HHAT: variants seen among roughly 807,000 people sequenced by gnomAD.
HHAT encodes hedgehog acyltransferase, also known as protein-cysteine N-palmitoyltransferase HHAT.
Under a neutral mutation model 70.8 loss-of-function variants are expected in HHAT, and 47 were observed. The observed-to-expected ratio is 0.66, with a 90% CI of 0.53 to 0.85. HHAT has a LOEUF of 0.85. Among genes scored for constraint, HHAT ranks in the 40% least tolerant of loss-of-function variants. The pLI, the probability that HHAT is intolerant of heterozygous loss-of-function variation, is 0.00. For synonymous variants in HHAT, 228 were observed against 247.6 expected (o/e 0.92, Z 0.74); for missense variants, 609 against 604.8 (o/e 1.01, Z -0.07).
At chr1:210,625,670 G>A (rs1206483937) in intron 11 of HHAT, among the ~76,000 whole-genome samples, 1 of 152,188 alleles carries the variant, frequency 6.6e-6, no homozygotes, top group Non-Finnish European at 1.5e-5. Context: ...ATTAACACTG[G>A]CTGCTTTGTG....
At chr1:210,631,131 A>G (rs747087970) in intron 11 of HHAT, 12 of 456,234 alleles carry the variant, frequency 2.6e-5, no homozygotes, top group South Asian at 1.6e-4. Flanking sequence ...GAATATTTGT[A>G]TAGAAAACAC....
chr1:210,492,211 C>G (rs1046834653), intron 8 of HHAT, among the ~76,000 whole-genome samples: 2 of 152,196 alleles, frequency 1.3e-5, no homozygotes, highest in Non-Finnish European at 2.9e-5. Flanking sequence ...CTCTTTTACT[C>G]TGAACAGCCT....
intron 8 of HHAT, among the ~76,000 whole-genome samples, chr1:210,468,828 A>G (rs1410268542): frequency 6.6e-6 from 1 of 152,162 alleles, no homozygotes; most frequent in Non-Finnish European, 1.5e-5. Context: ...CATAAAGAAG[A>G]AAAGGTCAAA....
chr1:210,430,405 G>A (rs1377909815), intron 7 of HHAT, among the ~76,000 whole-genome samples: 1 of 151,840 alleles, frequency 6.6e-6, no homozygotes, highest in Non-Finnish European at 1.5e-5. Flanking sequence ...AACATTTCCA[G>A]TGAGTAGACC....
At chr1:210,420,038 T>G (rs578016861) in intron 7 of HHAT, among the ~76,000 whole-genome samples, 1 of 152,356 alleles carries the variant, frequency 6.6e-6, no homozygotes, top group South Asian at 2.1e-4. Flanking sequence ...ACCTTTTGTG[T>G]GTCCACCATT....
chr1:210,523,470 A>C (rs1369520274), intron 9 of HHAT, among the ~76,000 whole-genome samples: 3 of 152,054 alleles, frequency 2.0e-5, no homozygotes, highest in Admixed American at 6.5e-5. Flanking sequence ...GATGCTTTAG[A>C]TCCCCAAGCT....
chr1:210,565,971 T>C (rs1364637917), intron 9 of HHAT, among the ~76,000 whole-genome samples: 1 of 152,160 alleles, frequency 6.6e-6, no homozygotes, highest in Non-Finnish European at 1.5e-5. Context: ...CTGTGCCAAC[T>C]ATAGGGGGTC....
At chr1:210,574,929 A>G (rs1340354734) in intron 9 of HHAT, among the ~76,000 whole-genome samples, 1 of 152,220 alleles carries the variant, frequency 6.6e-6, no homozygotes, top group Non-Finnish European at 1.5e-5. Context: ...GAGTTTGAAG[A>G]TTAGGACCGG....
At position 210,587,938 on chromosome 1, in the gene HHAT, C is replaced by T; in HGVS notation, c.1084C>T (p.Leu362=). ...IPVGGSQHGL[L]GTLFSTAMTF... The stretch of plus-strand genomic sequence containing the variant: ...AGTGGGCGGGTCCCAGCATGGCCTG[C>T]TGGGGACACTGTTTTCCACGGCGAT... The change falls in exon 10 of 12, where the codon CTG becomes TTG. Residue 362 remains leucine (L), a synonymous_variant. Coordinates refer to ENST00000261458, the MANE Select transcript of HHAT (RefSeq NM_018194.6). The T allele has an allele frequency of 6.2e-7, 1 of 1,614,116 alleles. No homozygotes were observed. The highest frequency in any genetic ancestry group is 1.3e-5 in the African/African-American group (1 of 75,048).
Position 210,328,973 on chromosome 1 carries a change from A to G in HHAT, c.-175A>G, listed in dbSNP as rs1023379785. ...CCTCCAAAGGGCAGCTCCGGGGGAA[A>G]GAGGGTGGCGTCCCGGGGAAGCCCG... On this transcript the variant is annotated 5_prime_UTR_variant, in exon 1 of 12. Coordinates refer to ENST00000261458, the MANE Select transcript of HHAT (RefSeq NM_018194.6). 32 of 1,312,598 alleles carry G rather than the reference A, an allele frequency of 2.4e-5. No individual in the cohort carries two copies. Among genetic ancestry groups the G allele is most frequent in the African/African-American group, 3.1e-5 (2 of 65,198 alleles). The allele number at this position is 1,312,598 out of a possible 1,614,324, so 81.3% of individuals were successfully genotyped here.
chr1:210,436,618 G>C (rs1011117440), intron 7 of HHAT, among the ~76,000 whole-genome samples: 1 of 151,524 alleles, frequency 6.6e-6, no homozygotes, highest in East Asian at 1.9e-4. Context: ...TGCTGTTGGG[G>C]TTCTTAACTC....
At chr1:210,597,789 G>A (rs1445784194) in intron 10 of HHAT, among the ~76,000 whole-genome samples, 2 of 151,862 alleles carry the variant, frequency 1.3e-5, no homozygotes, top group African/African-American at 2.4e-5. Context: ...CTGGAACTGG[G>A]GACCCCAATA....
At position 210,451,727 on chromosome 1, in the gene HHAT, C is replaced by T. The variant is rs558673813; in HGVS notation, c.857-12778C>T. On this transcript the variant is annotated intron_variant, in intron 7 of 11. Transcript: ENST00000261458. ...TCAAGTAGCTATGACTGTGGGCATG[C>T]ATTACCATGCCTGACTAATTTTTAA... is the stretch of plus-strand genomic sequence containing the variant. 2.0e-5 allele frequency among the ~76,000 whole-genome samples: 3 copies of T among 152,278 alleles called. No individual in the cohort carries two copies. In the South Asian group the frequency reaches 6.2e-4, roughly 32 times the overall value.
intron 1 of HHAT, chr1:210,329,409 G>T (rs1558289711): frequency 1.8e-6 from 2 of 1,122,856 alleles, no homozygotes; most frequent in South Asian, 4.4e-5. Flanking sequence ...CTGCTGCGGG[G>T]AGTTGCGAAC....
chr1:210,383,206 G>A (rs1044166191), intron 3 of HHAT, among the ~76,000 whole-genome samples: 1 of 152,108 alleles, frequency 6.6e-6, no homozygotes, highest in African/African-American at 2.4e-5. Context: ...CAGGTGTGGT[G>A]GTATGCACCT....
intron 1 of HHAT, among the ~76,000 whole-genome samples, chr1:210,337,369 T>C (rs2085596174): frequency 6.6e-6 from 1 of 152,216 alleles, no homozygotes; most frequent in Non-Finnish European, 1.5e-5. Flanking sequence ...AGGGATGGCA[T>C]ATGAGTTTCC....
intron 9 of HHAT, among the ~76,000 whole-genome samples, chr1:210,576,303 A>T (rs1657720591): frequency 6.6e-6 from 1 of 152,168 alleles, no homozygotes; most frequent in Non-Finnish European, 1.5e-5. Context: ...TAACTGATAC[A>T]CAAAAACTGC....
intron 7 of HHAT, among the ~76,000 whole-genome samples, chr1:210,453,504 C>T (rs1352071118): frequency 2.0e-5 from 3 of 151,962 alleles, no homozygotes; most frequent in African/African-American, 4.8e-5. Flanking sequence ...ATTTAAAATA[C>T]CCCCTATTCC....
At chr1:210,639,061 G>GTT (rs879337150) in intron 11 of HHAT, among the ~76,000 whole-genome samples, 1 of 152,072 alleles carries the variant, frequency 6.6e-6, no homozygotes, top group Non-Finnish European at 1.5e-5. Flanking sequence ...ACAGTTTAAG[G>GTT]TTAAAAGATA....
Sources: allele counts gnomAD v4.1 joint callset (sites outside exome capture counted in the v4.1 genomes callset), GRCh38; gene constraint gnomAD v4.1.1; transcripts MANE v1.5; gene names NCBI Gene and HGNC (gene_info 2026-07-23, HGNC 2026-07-21).